PPP2R2B: variants seen among roughly 807,000 people sequenced by gnomAD.
The protein encoded by PPP2R2B is serine/threonine-protein phosphatase 2A 55 kDa regulatory subunit B beta isoform.
A neutral mutation model predicts 46.0 loss-of-function variants in PPP2R2B; 5 were observed. The ratio of observed to expected loss-of-function variants is 0.11; its 90% CI spans 0.06 to 0.23. The LOEUF (loss-of-function observed/expected upper bound fraction) is 0.23. Ranked by LOEUF, PPP2R2B falls within the 10% of genes least tolerant of loss-of-function variation. The pLI, the probability that PPP2R2B is intolerant of heterozygous loss-of-function variation, is 1.00. For synonymous variants in PPP2R2B, 215 were observed against 206.7 expected, an observed-to-expected ratio of 1.04 and a Z score of -0.34; for missense variants, 367 against 575.0, an observed-to-expected ratio of 0.64 and a Z score of 3.70.
At chr5:146,773,675 T>C (rs1755005995) in intron 2 of PPP2R2B, among the ~76,000 whole-genome samples, 1 of 152,216 alleles carries the variant, frequency 6.6e-6, no homozygotes, top group East Asian at 1.9e-4. Context: ...CTTGCTTTCC[T>C]GAGCAGCAGG....
intron 5 of PPP2R2B, among the ~76,000 whole-genome samples, chr5:146,682,084 C>A (rs1336485617): frequency 6.6e-6 from 1 of 152,120 alleles, no homozygotes; most frequent in African/African-American, 2.4e-5. Flanking sequence ...GATCCTAAAC[C>A]AGGTATAGGG....
intron 9 of PPP2R2B, among the ~76,000 whole-genome samples, chr5:146,591,132 C>T (rs911109178): frequency 9.2e-5 from 14 of 152,022 alleles, no homozygotes; most frequent in Non-Finnish European, 1.6e-4. Flanking sequence ...TGCCATCACA[C>T]GGTGGTTCCC....
At position 146,945,921 on chromosome 5, in the gene PPP2R2B, C is replaced by T. The variant is rs1012244754; in HGVS notation, c.79+109744G>A. 3.9e-5 allele frequency among the ~76,000 whole-genome samples: 6 copies of T among 152,174 alleles called. No homozygotes were observed. In the South Asian group the frequency reaches 6.2e-4, roughly 16 times the overall value. ...GACCCCTGCCTAATGGTCAGTGTGTCGTCAGCTGCTGGCAACTCTTACCTT... is the reference window on the plus strand; with the variant it reads ...GACCCCTGCCTAATGGTCAGTGTGTTGTCAGCTGCTGGCAACTCTTACCTT... On this transcript the variant is annotated intron_variant, in intron 1 of 8. Coordinates refer to the PPP2R2B transcript ENST00000336640.
chr5:146,945,537 C>A (rs1490759604), intron 1 of PPP2R2B, among the ~76,000 whole-genome samples: 1 of 152,138 alleles, frequency 6.6e-6, no homozygotes, highest in African/African-American at 2.4e-5. Flanking sequence ...CCCACTGCAA[C>A]CCAGAGGCTT....
At chr5:146,601,154 A>G (rs1463601996) in intron 7 of PPP2R2B, among the ~76,000 whole-genome samples, 1 of 152,216 alleles carries the variant, frequency 6.6e-6, no homozygotes, top group East Asian at 1.9e-4. Flanking sequence ...ATTCCATTGT[A>G]TGAATATACC....
At chr5:146,691,822 C>T (rs750596325) in intron 4 of PPP2R2B, among the ~76,000 whole-genome samples, 3 of 152,174 alleles carry the variant, frequency 2.0e-5, no homozygotes, top group Non-Finnish European at 4.4e-5. Flanking sequence ...CACTAAGCCT[C>T]GGGGCCTTTG....
intron 1 of PPP2R2B, among the ~76,000 whole-genome samples, chr5:146,927,085 A>C (rs983837513): frequency 3.3e-5 from 5 of 152,164 alleles, no homozygotes; most frequent in Non-Finnish European, 7.3e-5. Context: ...GGTGGATGAG[A>C]GGAGCCCTAG....
intron 2 of PPP2R2B, among the ~76,000 whole-genome samples, chr5:146,715,783 T>C (rs1561853915): frequency 6.6e-6 from 1 of 152,170 alleles, no homozygotes; most frequent in Non-Finnish European, 1.5e-5. Context: ...TTCTATTATT[T>C]CTTGTTCCTA....
chr5:147,040,993 C>G (rs1756268064), intron 1 of PPP2R2B, among the ~76,000 whole-genome samples: 1 of 152,102 alleles, frequency 6.6e-6, no homozygotes, highest in Non-Finnish European at 1.5e-5. Context: ...AGTTACTACT[C>G]AGGTCAGCAC....
chr5:146,682,826 T>C (rs1778263663), intron 5 of PPP2R2B, among the ~76,000 whole-genome samples: 1 of 152,200 alleles, frequency 6.6e-6, no homozygotes, highest in Non-Finnish European at 1.5e-5. Flanking sequence ...TGGATGCTCA[T>C]TCTAAATCAA....
chr5:146,656,575 T>C (rs1031126788), intron 5 of PPP2R2B: 1 of 152,054 alleles, frequency 6.6e-6, no homozygotes, highest in Non-Finnish European at 1.5e-5. Flanking sequence ...CATATTAATG[T>C]GAACTTAGTG....
rs139096891 is a variant in PPP2R2B at position 146,956,308 on chromosome 5, A to T, written c.79+99357T>A. ...TATACACTTTAATCTCATGAATGGA[A>T]AAAACTTTGCCTGAATTCTTGACTC... On this transcript the variant is annotated intron_variant, in intron 1 of 8. Transcript: ENST00000336640. 6.8e-4 allele frequency among the ~76,000 whole-genome samples: 104 copies of T among 152,238 alleles called. 1 individual carries two copies. Among genetic ancestry groups the T allele is most frequent in the African/African-American group, 2.4e-3 (98 of 41,532 alleles).
At chr5:146,615,360 G>T (rs1430816906) in intron 7 of PPP2R2B, among the ~76,000 whole-genome samples, 4 of 88,684 alleles carry the variant, frequency 4.5e-5, no homozygotes, top group Non-Finnish European at 6.5e-5. Flanking sequence ...GGTGGGGTCG[G>T]GGGAGGGGGG....
intron 1 of PPP2R2B, among the ~76,000 whole-genome samples, chr5:147,025,463 TAAA>T (rs920542874): frequency 2.8e-5 from 4 of 144,762 alleles, no homozygotes; most frequent in Non-Finnish European, 4.6e-5. Flanking sequence ...ACATTACAAA[TAAA>T]AAAAAAACCC....
At chr5:146,989,348 A>G (rs1004336054) in intron 1 of PPP2R2B, among the ~76,000 whole-genome samples, 1 of 152,136 alleles carries the variant, frequency 6.6e-6, no homozygotes, top group Non-Finnish European at 1.5e-5. Flanking sequence ...CAAAATCCTC[A>G]ACAAAATACT....
chr5:146,845,754 G>A (rs542771214), intron 2 of PPP2R2B, among the ~76,000 whole-genome samples: 2 of 152,282 alleles, frequency 1.3e-5, no homozygotes, highest in South Asian at 2.1e-4. Context: ...ATTTGAGTAT[G>A]TACACTAAAT....
chr5:146,942,216 T>C (rs2151829857), intron 1 of PPP2R2B, among the ~76,000 whole-genome samples: 1 of 152,322 alleles, frequency 6.6e-6, no homozygotes, highest in East Asian at 1.9e-4. Flanking sequence ...GAGAACATGA[T>C]TTAACCCTTA....
rs186251393 is a variant in PPP2R2B at position 146,823,658 on chromosome 5, T to C, written c.70+54344A>G. 3.9e-5 allele frequency among the ~76,000 whole-genome samples: 6 copies of C among 152,248 alleles called. No individual in the cohort carries two copies. In the East Asian group the frequency reaches 1.2e-3, roughly 29 times the overall value. On this transcript the variant is annotated intron_variant, in intron 2 of 9. Coordinates refer to ENST00000394411, the MANE Select transcript of PPP2R2B (RefSeq NM_181675.4). ...CACGTCCACTTTAAAGTTTAAAATC[T>C]TGGAAATGGATTCAATCATCCATGA...
At chr5:146,727,106 T>C (rs1295563147) in intron 2 of PPP2R2B, among the ~76,000 whole-genome samples, 7 of 152,268 alleles carry the variant, frequency 4.6e-5, no homozygotes, top group African/African-American at 1.7e-4. Context: ...TTCAGGGAAT[T>C]CAAAATTGCT....
Sources: gnomAD v4.1 joint callset for allele counts (sites outside exome capture counted in the v4.1 genomes callset) on GRCh38, gnomAD v4.1.1 for gene constraint, MANE v1.5 for transcripts, NCBI Gene and HGNC (gene_info 2026-07-23, HGNC 2026-07-21) for gene names.